KDM1B: variants seen among roughly 807,000 people sequenced by gnomAD.
KDM1B encodes lysine demethylase 1B.
In KDM1B, 63 loss-of-function variants were observed where a neutral mutation model predicts 107.4. The observed-to-expected ratio is 0.59, with a 90% CI of 0.48 to 0.72. The LOEUF is 0.72. Among genes scored for constraint, KDM1B ranks in the 30% least tolerant of loss-of-function variants. KDM1B has a pLI of 0.00. For synonymous variants in KDM1B, 363 were observed against 363.9 expected (o/e 1.00, Z 0.03); for missense variants, 749 against 1,020.8 (o/e 0.73, Z 3.63).
At chr6:18,182,289 G>A (rs889680527) in intron 7 of KDM1B, among the ~76,000 whole-genome samples, 1 of 151,748 alleles carries the variant, frequency 6.6e-6, no homozygotes, top group Non-Finnish European at 1.5e-5. Context: ...AGTATGAATC[G>A]ATTACTCTCC....
At position 18,201,556 on chromosome 6, in the gene KDM1B, C is replaced by A. The variant is rs180781685; in HGVS notation, c.1430C>A (p.Pro477His). 6.5e-7 allele frequency: 1 copy of A among 1,550,074 alleles called. No individual in the cohort carries two copies. The highest frequency in any genetic ancestry group is 1.4e-5 in the African/African-American group (1 of 73,102). ...LIQEGGRITD[P>H]TIDKRMDFHF... ...CAGGAAGGTGGAAGAATAACTGACC[C>A]CACTATTGACAAGCGCATGGATTTT... Residue 477 changes from proline to histidine, a missense_variant, in exon 14 of 22, where the codon CCC (proline) becomes CAC (histidine). Coordinates refer to ENST00000650836, the MANE Select transcript of KDM1B (RefSeq NM_001364614.2). The surrounding 1 kb of genome is among the most constrained non-coding windows in gnomAD (Gnocchi z 4.3).
chr6:18,179,410 A>G (rs756457497), intron 7 of KDM1B, among the ~76,000 whole-genome samples: 1 of 152,184 alleles, frequency 6.6e-6, no homozygotes, highest in Non-Finnish European at 1.5e-5. Context: ...GCTCTGTGAA[A>G]CGAGCAGTAT....
chr6:18,216,491 G>T (rs191469127), intron 20 of KDM1B, among the ~76,000 whole-genome samples: 7 of 152,262 alleles, frequency 4.6e-5, no homozygotes, highest in East Asian at 1.9e-4. Flanking sequence ...TTAGCTTACC[G>T]TTTCTATAGA....
In KDM1B at chr6:18,203,330, AC is replaced by A. The variant is rs1788165642; in HGVS notation, c.1531+1674del. 6.6e-6 allele frequency among the ~76,000 whole-genome samples: 1 copy of A among 152,182 alleles called. No individual in the cohort carries two copies. On this transcript the variant is annotated intron_variant, in intron 14 of 21. Transcript: ENST00000650836. This position sits in a 1 kb window ranked among gnomAD's most constrained non-coding sequence, Gnocchi z 5.5. ...TGTTAAGGTAGGCTCAGCAATTCTT[AC>A]TGTGTAAGTGGGTATTTCATCTTAT... is the stretch of plus-strand genomic sequence containing the variant.
intron 7 of KDM1B, among the ~76,000 whole-genome samples, chr6:18,180,173 G>A (rs544580991): frequency 6.6e-6 from 1 of 151,968 alleles, no homozygotes; most frequent in Non-Finnish European, 1.5e-5. Flanking sequence ...ATGGGAAGGA[G>A]CTGACATGAG....
intron 17 of KDM1B, among the ~76,000 whole-genome samples, chr6:18,208,624 TATA>T (rs201379996): frequency 1.2e-4 from 5 of 41,772 alleles, no homozygotes; most frequent in South Asian, 1.2e-3. Flanking sequence ...TATATATATA[TATA>T]TTTTTTTTTT....
In KDM1B at chr6:18,186,960, ATG is replaced by A. The variant is rs1232666838; in HGVS notation, c.574-820_574-819del. 1.4e-4 allele frequency among the ~76,000 whole-genome samples: 16 copies of A among 118,264 alleles called. No individual in the cohort carries two copies. In the South Asian group the frequency reaches 1.5e-3, roughly 11 times the overall value. The allele number at this position is 118,264 out of a possible 152,430, so 77.6% of individuals were successfully genotyped here. On this transcript the variant is annotated intron_variant, in intron 8 of 21. Coordinates refer to ENST00000650836, the MANE Select transcript of KDM1B (RefSeq NM_001364614.2). This position sits in a 1 kb window ranked among gnomAD's most constrained non-coding sequence, Gnocchi z 5.6. Reference sequence around the variant, plus strand: ...AGCCAAACCATATCAGTATGTATATATGTGTGTGTGTGTACACACACACACAC... The same window carrying A: ...AGCCAAACCATATCAGTATGTATATATGTGTGTGTGTACACACACACACAC...
chr6:18,209,769 G>T lies in KDM1B; in HGVS notation c.1866+1563G>T, dbSNP rs544636541. Among the ~76,000 whole-genome samples the T allele has an allele frequency of 3.3e-5, 5 of 152,126 alleles. No homozygotes were observed. Among genetic ancestry groups the T allele is most frequent in the Non-Finnish European group, 5.9e-5 (4 of 68,028 alleles). ...ATTACAGGCATGCACCACCATGCCC[G>T]GCTAGTCATGTTTTTAAAGCTTCTC... is the stretch of plus-strand genomic sequence containing the variant. On this transcript the variant is annotated intron_variant, in intron 17 of 21. Coordinates refer to ENST00000650836, the MANE Select transcript of KDM1B (RefSeq NM_001364614.2). The surrounding 1 kb of genome is among the most constrained non-coding windows in gnomAD (Gnocchi z 4.3).
chr6:18,176,936 G>A (rs1286749464), intron 7 of KDM1B, among the ~76,000 whole-genome samples: 2 of 152,076 alleles, frequency 1.3e-5, no homozygotes, highest in East Asian at 1.9e-4. Flanking sequence ...TGTAGTTTTC[G>A]TTTTTGGTTA....
Position 18,163,356 on chromosome 6 carries a change from A to G in KDM1B, c.305+432A>G, listed in dbSNP as rs888541179. Among the ~76,000 whole-genome samples, 7 of 152,276 alleles carry G rather than the reference A, an allele frequency of 4.6e-5. No individual in the cohort carries two copies. The East Asian group carries it at 7.7e-4, about 17-fold the overall frequency. ...ATTACAGGCGTGAGCCACTGCACCC[A>G]GCGAAACAGTTATTTCTTGAGTCAA... is the stretch of plus-strand genomic sequence containing the variant. On this transcript the variant is annotated intron_variant, in intron 5 of 21. Coordinates refer to ENST00000650836, the MANE Select transcript of KDM1B (RefSeq NM_001364614.2).
intron 6 of KDM1B, among the ~76,000 whole-genome samples, chr6:18,166,683 CAA>C (rs1001603666): frequency 2.0e-5 from 3 of 150,532 alleles, no homozygotes; most frequent in African/African-American, 7.3e-5. Context: ...CCCATCTTTA[CAA>C]AAAAAAATTT....
intron 20 of KDM1B, among the ~76,000 whole-genome samples, chr6:18,216,472 G>A (rs970190072): frequency 6.6e-6 from 1 of 152,134 alleles, no homozygotes; most frequent in East Asian, 1.9e-4. Context: ...TACATTAGTT[G>A]TTTGGAACTT....
intron 5 of KDM1B, among the ~76,000 whole-genome samples, chr6:18,163,229 C>G (rs936382570): frequency 1.3e-5 from 2 of 150,742 alleles, no homozygotes; most frequent in African/African-American, 4.9e-5. Flanking sequence ...CCTCCAACTT[C>G]TGGGTTCCTT....
chr6:18,184,736 C>CTTTTT (rs58897300), intron 7 of KDM1B, among the ~76,000 whole-genome samples: 666 of 65,436 alleles, frequency 0.01, 61 homozygotes, highest in African/African-American at 0.028. Flanking sequence ...AGCTTTTTTC[C>CTTTTT]TTTTTTTTTT....
intron 5 of KDM1B, among the ~76,000 whole-genome samples, chr6:18,163,418 A>G (rs1438603195): frequency 6.6e-6 from 1 of 151,478 alleles, no homozygotes; most frequent in Non-Finnish European, 1.5e-5. Context: ...ATTCTATTTT[A>G]TTGTTTTCGA....
rs1328396528 is a variant in KDM1B at position 18,213,182 on chromosome 6, A to C, written c.1984-474A>C. 1.3e-5 allele frequency among the ~76,000 whole-genome samples: 2 copies of C among 152,184 alleles called. No individual in the cohort carries two copies. Among genetic ancestry groups the C allele is most frequent in the Non-Finnish European group, 2.9e-5 (2 of 68,048 alleles). ...CTGGGCACAGTGGCTCATGCCTGTA[A>C]TCCCAGCACTTTGGAAGGCTGAGGA... On this transcript the variant is annotated intron_variant, in intron 18 of 21. Transcript: ENST00000650836. The surrounding 1 kb of genome is among the most constrained non-coding windows in gnomAD (Gnocchi z 5.9).
chr6:18,221,782 G>C (rs1789771154), intron 21 of KDM1B, 127 bp from the exon 22 acceptor site: 1 of 733,648 alleles, frequency 1.4e-6, no homozygotes, highest in African/African-American at 1.8e-5. Flanking sequence ...ATGGGTGAGT[G>C]TGAATATGAG....
Position 18,203,502 on chromosome 6 carries a change from C to T in KDM1B, c.1531+1845C>T, listed in dbSNP as rs545010011. 1.3e-5 allele frequency among the ~76,000 whole-genome samples: 2 copies of T among 152,210 alleles called. No individual in the cohort carries two copies. The highest frequency in any genetic ancestry group is 4.1e-4 in the South Asian group (2 of 4,824). ...AAACTCAAATCTAAATACTAAGGGA[C>T]TAGATTTCATTTCAGAAAGCATGTG... is the stretch of plus-strand genomic sequence containing the variant. On this transcript the variant is annotated intron_variant, in intron 14 of 21. Transcript: ENST00000650836. The surrounding 1 kb of genome is among the most constrained non-coding windows in gnomAD (Gnocchi z 5.5).
Position 18,208,769 on chromosome 6 carries a change from C to T in KDM1B, c.1866+563C>T, listed in dbSNP as rs1413009909. On this transcript the variant is annotated intron_variant, in intron 17 of 21. Transcript: ENST00000650836. ...ACGCCATTCTCCTGCCTCAACCTCCCAAGTAGCTGGGACTACAGGCACCCG... is the reference window on the plus strand; with the variant it reads ...ACGCCATTCTCCTGCCTCAACCTCCTAAGTAGCTGGGACTACAGGCACCCG... 6.1e-5 allele frequency among the ~76,000 whole-genome samples: 9 copies of T among 146,380 alleles called. No individual in the cohort carries two copies. In the Admixed American group the frequency reaches 6.2e-4, roughly 10 times the overall value.
Sources: gnomAD v4.1 joint callset for allele counts (sites outside exome capture counted in the v4.1 genomes callset) on GRCh38, gnomAD v4.1.1 for gene constraint, Gnocchi (gnomAD v3.1) non-coding constraint, MANE v1.5 for transcripts, NCBI Gene and HGNC (gene_info 2026-07-23, HGNC 2026-07-21) for gene names.